Variants in BPNT2 observed in about 807,000 individuals in gnomAD.
The protein encoded by BPNT2 is 3'(2'), 5'-bisphosphate nucleotidase 2, also known as Golgi-resident adenosine 3',5'-bisphosphate 3'-phosphatase.
A neutral mutation model predicts 29.3 loss-of-function variants in BPNT2; 11 were observed. The observed-to-expected ratio is 0.38, with a 90% CI of 0.24 to 0.62. The LOEUF is 0.62. Ranked by LOEUF, BPNT2 falls within the 20% of genes least tolerant of loss-of-function variation. The pLI, the probability that BPNT2 is intolerant of heterozygous loss-of-function variation, is 0.62. For synonymous variants in BPNT2, 195 were observed against 187.7 expected (o/e 1.04, Z -0.32); for missense variants, 459 against 473.4 (o/e 0.97, Z 0.28).
At chr8:56,964,267 T>C (rs1805901097) in intron 4 of BPNT2, 1 of 492,096 alleles carries the variant, frequency 2.0e-6, no homozygotes, top group Non-Finnish European at 3.6e-6. Context: ...AGAACAAAAA[T>C]ACATTGCAAA....
chr8:56,964,234 GTAACTGTATAAAC>G, intron 4 of BPNT2, 170 bp from the exon 5 acceptor site: 1 of 568,608 alleles, frequency 1.8e-6, no homozygotes, highest in East Asian at 2.9e-5. Context: ...AAATTTTAAA[GTAACTGTATAAAC>G]ATTAAACTCA....
At chr8:56,967,215 C>A (rs893122629) in intron 3 of BPNT2, 12 of 456,176 alleles carry the variant, frequency 2.6e-5, no homozygotes, top group Non-Finnish European at 5.3e-5. Context: ...CAGCTTATTT[C>A]TGGCTGCAGA....
chr8:56,987,370 C>A (rs1440915170), intron 1 of BPNT2, among the ~76,000 whole-genome samples: 1 of 152,174 alleles, frequency 6.6e-6, no homozygotes, highest in East Asian at 1.9e-4. Context: ...CTCAATAAAA[C>A]AGACTGCCCT....
chr8:56,980,248 T>C (rs779067056), intron 1 of BPNT2, 51 bp from the exon 2 acceptor site: 32 of 1,395,080 alleles, frequency 2.3e-5, no homozygotes, highest in Non-Finnish European at 3.1e-5. Context: ...ACAATCACTA[T>C]TTGATAAACT....
chr8:56,979,891 T>C, intron 2 of BPNT2, 144 bp downstream of exon 2: 6 of 726,870 alleles, frequency 8.3e-6, no homozygotes, highest in South Asian at 8.0e-5. Context: ...AGGTGTCCAA[T>C]ATAAAACATT....
At position 56,993,442 on chromosome 8, in the gene BPNT2, G is replaced by T; in HGVS notation, c.144C>A (p.Gly48=). The change falls in exon 1 of 5, where the codon GGC becomes GGA. Residue 48 remains glycine (G), a synonymous_variant. Transcript: ENST00000262644. The stretch of plus-strand genomic sequence containing the variant: ...CGGCCGCGGCCGCGGGCCCCGCCGC[G>T]CCGCCGCCAGGCTCGCCGCCCAGGC... ...LFGLGGEPGG[G]AAGPAAAADG... is the part of the protein sequence containing the mutation. 3 of 1,476,272 alleles carry T rather than the reference G, an allele frequency of 2.0e-6. No homozygotes were observed. The highest frequency in any genetic ancestry group is 2.7e-6 in the Non-Finnish European group (3 of 1,118,490). 91.4% of individuals were successfully genotyped at this position (1,476,272 alleles called of 1,614,324 possible).
At chr8:56,980,418 G>A (rs896845464) in intron 1 of BPNT2, among the ~76,000 whole-genome samples, 13 of 151,876 alleles carry the variant, frequency 8.6e-5, no homozygotes, top group African/African-American at 3.1e-4. Flanking sequence ...TTCAAGCCTG[G>A]TTTGTTGACT....
intron 1 of BPNT2, among the ~76,000 whole-genome samples, chr8:56,982,367 C>T (rs1401597864): frequency 2.0e-5 from 3 of 152,116 alleles, no homozygotes; most frequent in Non-Finnish European, 4.4e-5. Flanking sequence ...ATGATCTGCC[C>T]GCCTCGGCCT....
At position 56,992,613 on chromosome 8, in the gene BPNT2, C is replaced by T. The variant is rs527519654; in HGVS notation, c.387+586G>A. ...ACAGCTGGTATATTTCTAAGTACCT[C>T]CTTAAAGGGCCCGCAAACTATAAAC... On this transcript the variant is annotated intron_variant, in intron 1 of 4. Transcript: ENST00000262644. Among the ~76,000 whole-genome samples, 75 of 152,172 alleles carry T rather than the reference C, an allele frequency of 4.9e-4. 4 individuals carry two copies. In the South Asian group the frequency reaches 0.015, roughly 31 times the overall value.
At chr8:56,967,681 G>A (rs1298375008) in intron 3 of BPNT2, among the ~76,000 whole-genome samples, 1 of 152,126 alleles carries the variant, frequency 6.6e-6, no homozygotes, top group Non-Finnish European at 1.5e-5. Flanking sequence ...TTGTAGTCTT[G>A]AGAACACCCT....
Position 56,993,410 on chromosome 8 carries a change from C to G in BPNT2, c.176G>C (p.Gly59Ala). The G allele has an allele frequency of 1.3e-6, 2 of 1,562,596 alleles. No individual in the cohort carries two copies. Among genetic ancestry groups the G allele is most frequent in the Non-Finnish European group, 1.7e-6 (2 of 1,160,512 alleles). ...AAGPAAAADG[G>A]TVDLREMLAV... ...CAGCATCTCGCGCAAGTCCACGGTG[C>G]CCCCATCGGCCGCGGCCGCGGGCCC... Residue 59 changes from glycine (G) to alanine (A), a missense_variant, in exon 1 of 5, where the codon GGC (glycine) becomes GCC (alanine). By Grantham distance (60) the Gly-to-Ala change is moderately conservative. Transcript: ENST00000262644.
At chr8:56,979,125 G>T (rs1311948047) in intron 2 of BPNT2, among the ~76,000 whole-genome samples, 2 of 152,092 alleles carry the variant, frequency 1.3e-5, no homozygotes, top group African/African-American at 4.8e-5. Flanking sequence ...GGTTCTACAG[G>T]CATTACCTGG....
At chr8:56,984,717 C>A (rs1411675252) in intron 1 of BPNT2, among the ~76,000 whole-genome samples, 1 of 152,186 alleles carries the variant, frequency 6.6e-6, no homozygotes, top group Non-Finnish European at 1.5e-5. Context: ...AACCCAGCAA[C>A]CTGCCATCTT....
intron 2 of BPNT2, among the ~76,000 whole-genome samples, chr8:56,979,209 G>C (rs947145457): frequency 2.6e-5 from 4 of 152,024 alleles, no homozygotes; most frequent in Non-Finnish European, 5.9e-5. Context: ...TTCCTTGTCT[G>C]TATAATATAA....
chr8:56,990,025 C>G (rs1240734311), intron 1 of BPNT2, among the ~76,000 whole-genome samples: 3 of 152,156 alleles, frequency 2.0e-5, no homozygotes, highest in Non-Finnish European at 4.4e-5. Flanking sequence ...TGGCCAGTAC[C>G]ACCTAGGCTG....
rs1805838379 is a variant in BPNT2 at position 56,961,699 on chromosome 8, G to C, written c.*2094C>G. 1 of 152,194 alleles carries C rather than the reference G, an allele frequency of 6.6e-6. No homozygotes were observed. The highest frequency in any genetic ancestry group is 1.5e-5 in the Non-Finnish European group (1 of 68,086). The allele number at this position is 152,194 out of a possible 1,614,324, so 9.4% of individuals were successfully genotyped here. A position where few individuals can be genotyped will look rare whatever the true frequency, so the allele number is the denominator to read the frequency against. ...ACAAAAATACAAAAAAATTAGCTGG[G>C]TGTGGTGGTGTATGCCTGTAATCCC... On this transcript the variant is annotated 3_prime_UTR_variant, in exon 5 of 5. Transcript: ENST00000262644.
In BPNT2 at chr8:56,993,430, G is replaced by T; in HGVS notation, c.156C>A (p.Pro52=). ...GGEPGGGAAG[P]AAAADGGTVD... is the part of the protein sequence containing the mutation. ...CGGTGCCCCCATCGGCCGCGGCCGC[G>T]GGCCCCGCCGCGCCGCCGCCAGGCT... Residue 52 remains proline, a synonymous_variant, in exon 1 of 5, where the codon CCC becomes CCA. Coordinates refer to ENST00000262644, the MANE Select transcript of BPNT2 (RefSeq NM_017813.5). 6.7e-7 allele frequency: 1 copy of T among 1,489,240 alleles called. No homozygotes were observed. The highest frequency in any genetic ancestry group is 8.9e-7 in the Non-Finnish European group (1 of 1,126,828). The allele number at this position is 1,489,240 out of a possible 1,614,324, so 92.3% of individuals were successfully genotyped here. A position where few individuals can be genotyped will look rare whatever the true frequency, so the allele number is the denominator to read the frequency against.
At position 56,963,891 on chromosome 8, in the gene BPNT2, A is replaced by G; in HGVS notation, c.982T>C (p.Ser328Pro). 6.2e-7 allele frequency: 1 copy of G among 1,614,154 alleles called. No individual in the cohort carries two copies. The highest frequency in any genetic ancestry group is 1.1e-5 in the South Asian group (1 of 91,082). The change falls in exon 5 of 5, where the codon TCA (serine) becomes CCA (proline). Residue 328 changes from serine (S) to proline (P), a missense_variant. Physicochemically the swap from Ser to Pro is moderately conservative, Grantham distance 74 (BLOSUM62 -1). Coordinates refer to ENST00000262644, the MANE Select transcript of BPNT2 (RefSeq NM_017813.5). ...LSGEEISYTG[S>P]DGIEGGLLAS... The stretch of plus-strand genomic sequence containing the variant: ...AGGAGTCCCCCTTCAATGCCGTCTG[A>G]ACCAGTGTAACTGATTTCTTCACCA...
intron 2 of BPNT2, among the ~76,000 whole-genome samples, chr8:56,979,039 TAA>T (rs1375576047): frequency 3.3e-5 from 5 of 152,166 alleles, no homozygotes; most frequent in African/African-American, 1.2e-4. Flanking sequence ...CTCCTGAACT[TAA>T]AAGTTTTAAA....
Sources: allele counts gnomAD v4.1 joint callset (sites outside exome capture counted in the v4.1 genomes callset), GRCh38; gene constraint gnomAD v4.1.1; transcripts MANE v1.5; gene names NCBI Gene and HGNC (gene_info 2026-07-23, HGNC 2026-07-21).